The following ELSPBP1 variants were observed in gnomAD, a reference collection of about 807,000 sequenced individuals.
The protein encoded by ELSPBP1 is epididymal sperm-binding protein 1.
In ELSPBP1, 38 loss-of-function variants were observed where a neutral mutation model predicts 33.3. That is an observed-to-expected ratio of 1.14 (90% CI 0.88 to 1.50). The LOEUF is 1.50. Ranked by LOEUF, ELSPBP1 falls within the 40% of genes most tolerant of loss-of-function variation. The pLI is 0.00. For missense variants in ELSPBP1, 267 were observed against 263.5 expected, an observed-to-expected ratio of 1.01 and a Z score of -0.09; for synonymous variants, 85 against 94.1, an observed-to-expected ratio of 0.90 and a Z score of 0.56.
intron 1 of ELSPBP1, among the ~76,000 whole-genome samples, chr19:47,997,731 G>A (rs905226086): frequency 1.3e-5 from 2 of 152,106 alleles, no homozygotes; most frequent in Non-Finnish European, 2.9e-5. Context: ...TTTGATACAT[G>A]CAGACAGTAA....
intron 1 of ELSPBP1, among the ~76,000 whole-genome samples, chr19:48,001,783 G>T (rs1210748693): frequency 6.6e-6 from 1 of 151,802 alleles, no homozygotes; most frequent in Non-Finnish European, 1.5e-5. Context: ...GACCTCCTGG[G>T]CTCAACCAGT....
At chr19:48,023,940 A>G (rs1216690693) in intron 6 of ELSPBP1, among the ~76,000 whole-genome samples, 1 of 150,646 alleles carries the variant, frequency 6.6e-6, no homozygotes. Context: ...GTGCAATCTC[A>G]GCTCACTGCA....
At chr19:48,014,753 T>TAAA (rs71181628) in intron 3 of ELSPBP1, among the ~76,000 whole-genome samples, 6 of 144,428 alleles carry the variant, frequency 4.2e-5, no homozygotes, top group Admixed American at 6.9e-5. Context: ...TTTCCACAAA[T>TAAA]AAAAAAAAAA....
At chr19:48,000,767 C>T (rs1376098006) in intron 1 of ELSPBP1, among the ~76,000 whole-genome samples, 1 of 152,162 alleles carries the variant, frequency 6.6e-6, no homozygotes, top group Non-Finnish European at 1.5e-5. Context: ...AGGTTAGACA[C>T]CTTTGCTCCG....
intron 1 of ELSPBP1, among the ~76,000 whole-genome samples, chr19:48,003,219 T>C (rs1400446109): frequency 3.3e-5 from 5 of 152,230 alleles, no homozygotes; most frequent in East Asian, 1.9e-4. Context: ...AAATATTTTC[T>C]ATGAATATCC....
chr19:47,995,080 A>G (rs12052135), intron 1 of ELSPBP1, among the ~76,000 whole-genome samples: 60,051 of 152,078 alleles, frequency 0.39, 12,031 homozygotes, highest in Middle Eastern at 0.45. Flanking sequence ...GATACTTTAC[A>G]TTTTTTCCCT....
At chr19:48,017,443 C>G (rs1304622374) in intron 4 of ELSPBP1, among the ~76,000 whole-genome samples, 2 of 152,198 alleles carry the variant, frequency 1.3e-5, no homozygotes, top group African/African-American at 4.8e-5. Context: ...AAGTCCAACT[C>G]TTTCTCCATT....
chr19:48,003,123 C>A (rs1358044431), intron 1 of ELSPBP1, among the ~76,000 whole-genome samples: 1 of 152,130 alleles, frequency 6.6e-6, no homozygotes, highest in East Asian at 1.9e-4. Flanking sequence ...ATAACTTGGT[C>A]CTCACCTGGA....
chr19:48,022,017 G>A (rs1033742482), intron 5 of ELSPBP1, among the ~76,000 whole-genome samples, 153 bp from the exon 6 acceptor site: 2 of 152,108 alleles, frequency 1.3e-5, no homozygotes, highest in East Asian at 3.8e-4. Context: ...AACTGAGCTG[G>A]GATTAAATGC....
intron 1 of ELSPBP1, among the ~76,000 whole-genome samples, 153 bp downstream of exon 1, chr19:47,994,964 A>G (rs1165981178): frequency 1.3e-5 from 2 of 152,238 alleles, no homozygotes; most frequent in Non-Finnish European, 2.9e-5. Flanking sequence ...GCACTTTAAA[A>G]AACTAAGAAG....
intron 4 of ELSPBP1, among the ~76,000 whole-genome samples, chr19:48,016,458 T>C (rs1428587767): frequency 6.5e-5 from 1 of 15,324 alleles, no homozygotes; most frequent in Non-Finnish European, 1.1e-4. Flanking sequence ...TCTCTTTCTT[T>C]TCTTTCCTTC....
chr19:48,016,564 C>T (rs1600110057), intron 4 of ELSPBP1, among the ~76,000 whole-genome samples: 3 of 75,972 alleles, frequency 3.9e-5, no homozygotes, highest in African/African-American at 5.3e-5. Context: ...TCCTTCCTTC[C>T]TTCCTCCCTT....
At chr19:48,005,458 G>A (rs920415278) in intron 1 of ELSPBP1, among the ~76,000 whole-genome samples, 3 of 152,118 alleles carry the variant, frequency 2.0e-5, no homozygotes, top group Non-Finnish European at 2.9e-5. Flanking sequence ...GATCTACACT[G>A]GGGGCTACAA....
At chr19:48,016,515 TCTTTCTTTCTTTCTTCCTTCCTTCCTTC>T (rs1967141084) in intron 4 of ELSPBP1, among the ~76,000 whole-genome samples, 27 of 71,266 alleles carry the variant, frequency 3.8e-4, no homozygotes, top group African/African-American at 8.1e-4. Context: ...TTTCTTTCTT[TCTTTCTTTCTTTCTTCCTTCCTTCCTTC>T]CTTCCTTCCT....
Position 48,016,053 on chromosome 19 carries a change from G to T in ELSPBP1, c.355+14G>T, listed in dbSNP as rs140166451. On this transcript the variant is annotated intron_variant, in intron 4 of 6. Transcript: ENST00000339841. ...GTGAAACGAATGGTGAGCCCCTGTAGCAGGGATGGGATGTGTGGTGGGAGG... is the reference window on the plus strand; with the variant it reads ...GTGAAACGAATGGTGAGCCCCTGTATCAGGGATGGGATGTGTGGTGGGAGG... 302 of 1,612,190 alleles carry T rather than the reference G, an allele frequency of 1.9e-4. 1 individual carries two copies. The highest frequency in any genetic ancestry group is 2.3e-4 in the Non-Finnish European group (266 of 1,179,436).
chr19:47,995,479 C>T (rs547860586), intron 1 of ELSPBP1, among the ~76,000 whole-genome samples: 1 of 152,206 alleles, frequency 6.6e-6, no homozygotes. Context: ...GTAAGGCTTA[C>T]TCTCCCTATT....
chr19:47,999,389 T>TC (rs1966944926), intron 1 of ELSPBP1, among the ~76,000 whole-genome samples: 1 of 142,866 alleles, frequency 7.0e-6, no homozygotes, highest in African/African-American at 2.6e-5. Flanking sequence ...CCTCATTTCT[T>TC]TTTTTTTTTT....
chr19:48,008,050 T>C (rs1967039708), intron 1 of ELSPBP1, among the ~76,000 whole-genome samples: 1 of 152,172 alleles, frequency 6.6e-6, no homozygotes, highest in Non-Finnish European at 1.5e-5. Context: ...GGCAATGTCG[T>C]CCTTGTGTGA....
chr19:48,019,918 T>C (rs1262967293), intron 5 of ELSPBP1, 41 bp downstream of exon 5: 1 of 1,585,930 alleles, frequency 6.3e-7, no homozygotes, highest in Non-Finnish European at 8.6e-7. Flanking sequence ...GGGTGGAGTC[T>C]TTCTTTCATT....
Sources: gnomAD v4.1 joint callset for allele counts (sites outside exome capture counted in the v4.1 genomes callset) on GRCh38, gnomAD v4.1.1 for gene constraint, MANE v1.5 for transcripts, NCBI Gene and HGNC (gene_info 2026-07-23, HGNC 2026-07-21) for gene names.